DNAH12: variants seen among roughly 807,000 people sequenced by gnomAD.
The protein encoded by DNAH12 is axonemal beta dynein heavy chain 12.
A neutral mutation model predicts 371.5 loss-of-function variants in DNAH12; 285 were observed. That is an observed-to-expected ratio of 0.77 (90% CI 0.70 to 0.85). The LOEUF (loss-of-function observed/expected upper bound fraction) is 0.85, where lower values mean the gene tolerates loss of function less well. DNAH12 is among the 40% of genes least tolerant of loss of function. The pLI, the probability that DNAH12 is intolerant of heterozygous loss-of-function variation, is 0.00. For synonymous variants in DNAH12, 1,200 were observed against 1,213.0 expected, an observed-to-expected ratio of 0.99 and a Z score of 0.22; for missense variants, 3,611 against 3,689.4, an observed-to-expected ratio of 0.98 and a Z score of 0.55.
rs1553683717 is a variant in DNAH12 at position 57,413,734 on chromosome 3, T to C, written c.6020+12A>G. 1 of 1,547,768 alleles carries C rather than the reference T, an allele frequency of 6.5e-7. No individual in the cohort carries two copies. Among genetic ancestry groups the C allele is most frequent in the Admixed American group, 2.0e-5 (1 of 50,166 alleles). ...TATAACTTCAGCATAACTTATCGAA[T>C]TAAATAGTTACCAATGTCCACAGTC... On this transcript the variant is annotated intron_variant, in intron 39 of 73. Coordinates refer to ENST00000495027, the MANE Select transcript of DNAH12 (RefSeq NM_001366028.2).
intron 71 of DNAH12, 59 bp downstream of exon 71, chr3:57,296,788 C>A: frequency 6.6e-7 from 1 of 1,511,510 alleles, no homozygotes; most frequent in Non-Finnish European, 8.9e-7. Flanking sequence ...TACATAAACT[C>A]GGTTTAAATA....
chr3:57,293,823 C>T lies in DNAH12; in HGVS notation c.11841G>A (p.Trp3947Ter). The T allele has an allele frequency of 6.5e-7, 1 of 1,548,980 alleles. No homozygotes were observed. The highest frequency in any genetic ancestry group is 1.7e-4 in the Middle Eastern group (1 of 5,980). The change falls in exon 74 of 74, where the codon TGG (tryptophan) becomes TGA (stop). Residue 3947 changes from tryptophan to a stop codon, truncating the protein, a stop_gained. Coordinates refer to ENST00000495027, the MANE Select transcript of DNAH12 (RefSeq NM_001366028.2). LOFTEE classifies it high-confidence loss of function. ...AAAGCAAAGCAACCCCGCGCTTGATCCAGTGCCGAGTAGGTTGGTCTGTTT... is the reference window on the plus strand; with the variant it reads ...AAAGCAAAGCAACCCCGCGCTTGATTCAGTGCCGAGTAGGTTGGTCTGTTT... ...LLKTDQPTRHWIKRGVALLCQ... is the reference protein window; with the variant it reads ...LLKTDQPTRH
intron 11 of DNAH12, among the ~76,000 whole-genome samples, chr3:57,496,833 G>A (rs147626963): frequency 0.015 from 2,324 of 152,208 alleles, 41 homozygotes; most frequent in African/African-American, 0.051. Context: ...GTTGGGTGTG[G>A]TGGCACGCTC....
At chr3:57,399,392 A>G (rs938994147) in intron 43 of DNAH12, among the ~76,000 whole-genome samples, 295 of 151,508 alleles carry the variant, frequency 1.9e-3, no homozygotes, top group African/African-American at 6.8e-3. Context: ...GGCCAAATGG[A>G]TTAAAAAAAA....
In DNAH12 at chr3:57,301,932, T is replaced by C. The variant is rs374472466; in HGVS notation, c.11197A>G (p.Ile3733Val). The change falls in exon 70 of 74, where the codon ATA becomes GTA. Residue 3733 changes from isoleucine to valine, a missense_variant. By Grantham distance (29) the Ile-to-Val change is conservative. Around this residue, in one of 3 missense-constraint regions of DNAH12, gnomAD observed 2,266 missense variants for 2,236.9 expected, o/e 1.01. Coordinates refer to ENST00000495027, the MANE Select transcript of DNAH12 (RefSeq NM_001366028.2). ...TCCCGTAGAGTGTTACGTATAGTTA[T>C]AATTAAACTGCAATGAAAGAAATTA... ...QEMERFNNLI[I>V]TIRNTLRDLE... 7.7e-6 allele frequency: 12 copies of C among 1,551,394 alleles called. No individual in the cohort carries two copies. Among genetic ancestry groups the C allele is most frequent in the African/African-American group, 2.7e-5 (2 of 73,034 alleles).
At chr3:57,425,263 T>TG in intron 34 of DNAH12, 122 bp from the exon 35 acceptor site, 4 of 587,744 alleles carry the variant, frequency 6.8e-6, no homozygotes, top group Non-Finnish European at 1.2e-5. Context: ...TTTTTTTGTT[T>TG]TTGAGATGGG....
rs536657456 is a variant in DNAH12, at chr3:57,467,640, C to T, written c.2349+1096G>A. Among the ~76,000 whole-genome samples, 5 of 152,096 alleles carry T rather than the reference C, an allele frequency of 3.3e-5. No homozygotes were observed. In the East Asian group the frequency reaches 9.6e-4, roughly 29 times the overall value. On this transcript the variant is annotated intron_variant, in intron 17 of 73. Transcript: ENST00000495027. ...ATAGTAAATTATAAACAATGGTATA[C>T]TCTTCCTATGTTTTCCATAGGAAAA... is the stretch of plus-strand genomic sequence containing the variant.
At chr3:57,454,707 A>C in intron 23 of DNAH12, 68 bp downstream of exon 23, 1 of 1,525,152 alleles carries the variant, frequency 6.6e-7, no homozygotes, top group African/African-American at 1.4e-5. Context: ...TCATTTCTAA[A>C]AATAATAAAA....
At chr3:57,471,345 A>T in intron 15 of DNAH12, 127 bp downstream of exon 15, 1 of 705,346 alleles carries the variant, frequency 1.4e-6, no homozygotes, top group Non-Finnish European at 1.9e-6. Flanking sequence ...TATGTAATAT[A>T]TAGAAAAATA....
At chr3:57,479,259 G>A (rs999172628) in intron 13 of DNAH12, among the ~76,000 whole-genome samples, 13 of 152,020 alleles carry the variant, frequency 8.6e-5, no homozygotes, top group Non-Finnish European at 1.9e-4. Context: ...AAAAAAGGCA[G>A]GGGTTGCAAT....
chr3:57,475,192 A>G (rs1418822485), intron 13 of DNAH12, among the ~76,000 whole-genome samples: 1 of 152,220 alleles, frequency 6.6e-6, no homozygotes, highest in Admixed American at 6.5e-5. Flanking sequence ...AGGGTGGAAG[A>G]AAAATGTCTT....
intron 11 of DNAH12, among the ~76,000 whole-genome samples, chr3:57,499,920 A>G (rs2067473344): frequency 6.6e-6 from 1 of 151,738 alleles, no homozygotes; most frequent in South Asian, 2.1e-4. Context: ...TAAAAAATCT[A>G]AACAGTCAAT....
chr3:57,546,586 T>C (rs751910066), upstream of DNAH12, among the ~76,000 whole-genome samples: 87 of 152,340 alleles, frequency 5.7e-4, no homozygotes, highest in Middle Eastern at 0.01. Flanking sequence ...CAAGCAATCC[T>C]CCTGCTTCAG....
intron 11 of DNAH12, chr3:57,498,676 C>T: frequency 1.5e-6 from 1 of 677,320 alleles, no homozygotes; most frequent in Non-Finnish European, 2.7e-6. Context: ...AACTATATAC[C>T]TATACAGTGA....
intron 4 of DNAH12, among the ~76,000 whole-genome samples, chr3:57,517,367 T>G (rs1332589384): frequency 6.6e-6 from 1 of 152,300 alleles, no homozygotes; most frequent in Admixed American, 6.5e-5. Context: ...GGATCAAGTA[T>G]GCATAGATAT....
chr3:57,474,495 C>G (rs1265546416), intron 13 of DNAH12, among the ~76,000 whole-genome samples: 3 of 152,062 alleles, frequency 2.0e-5, no homozygotes, highest in Non-Finnish European at 4.4e-5. Flanking sequence ...GGGATTTCAC[C>G]ATGTTGGTCA....
In DNAH12 at chr3:57,436,948, T is replaced by C. The variant is rs1396433957; in HGVS notation, c.4655+3A>G. 4.9e-6 allele frequency: 7 copies of C among 1,422,846 alleles called. No individual in the cohort carries two copies. The East Asian group carries it at 1.6e-4, about 32-fold the overall frequency. The allele number at this position is 1,422,846 out of a possible 1,614,324, so 88.1% of individuals were successfully genotyped here. On this transcript the variant is annotated splice_donor_region_variant and intron_variant, in intron 30 of 73. Coordinates refer to ENST00000495027, the MANE Select transcript of DNAH12 (RefSeq NM_001366028.2). Reference sequence around the variant, plus strand: ...ATCTAACTATAGCAATATATAATCTTACCCATGTCTAACAATCATCATTTC... The same window carrying C: ...ATCTAACTATAGCAATATATAATCTCACCCATGTCTAACAATCATCATTTC...
At chr3:57,351,896 A>G (rs1553660476) in intron 60 of DNAH12, among the ~76,000 whole-genome samples, 189 bp downstream of exon 60, 1 of 152,204 alleles carries the variant, frequency 6.6e-6, no homozygotes, top group Non-Finnish European at 1.5e-5. Context: ...CTTTTCTGTT[A>G]CATAAATTTT....
At position 57,408,429 on chromosome 3, in the gene DNAH12, G is replaced by T. The variant is rs782439443; in HGVS notation, c.6127C>A (p.Arg2043=). Residue 2043 remains arginine (R), a synonymous_variant, in exon 40 of 74, where the codon CGA becomes AGA. Transcript: ENST00000495027. ...GRNPVTPRCI[R]HFNICSINSF... is the part of the protein sequence containing the mutation. ...TTAATACTGCAGATGTTGAAATGTC[G>T]AATACAACGGGGAGTAACTGGATTT... is the stretch of plus-strand genomic sequence containing the variant. 44 of 1,551,460 alleles carry T rather than the reference G, an allele frequency of 2.8e-5. No homozygotes were observed. The highest frequency in any genetic ancestry group is 1.7e-4 in the Middle Eastern group (1 of 5,990).
Sources: allele counts gnomAD v4.1 joint callset (sites outside exome capture counted in the v4.1 genomes callset), GRCh38; gene constraint gnomAD v4.1.1; regional missense constraint gnomAD v4.1.1; transcripts MANE v1.5; gene names NCBI Gene and HGNC (gene_info 2026-07-23, HGNC 2026-07-21).